Variants in ZNF407 observed in about 807,000 individuals in gnomAD.
ZNF407 encodes zinc finger protein 407.
In ZNF407, 17 loss-of-function variants were observed where a neutral mutation model predicts 131.2. The observed-to-expected ratio is 0.13, with a 90% CI of 0.09 to 0.19. The LOEUF is 0.19. Ranked by LOEUF, ZNF407 falls within the 10% of genes least tolerant of loss-of-function variation. ZNF407 has a pLI of 1.00. For synonymous variants in ZNF407, 1,156 were observed against 1,062.0 expected, an observed-to-expected ratio of 1.09 and a Z score of -1.72; for missense variants, 2,681 against 2,830.6, an observed-to-expected ratio of 0.95 and a Z score of 1.20.
chr18:74,601,331 G>C (rs1258647244), intron 1 of ZNF407, among the ~76,000 whole-genome samples: 1 of 23,826 alleles, frequency 4.2e-5, no homozygotes, highest in African/African-American at 9.5e-5. Context: ...GTGTATGTCT[G>C]TGTGTGTGTG....
intron 3 of ZNF407, among the ~76,000 whole-genome samples, chr18:74,710,597 C>T (rs1045192665): frequency 2.6e-5 from 4 of 152,174 alleles, no homozygotes; most frequent in Non-Finnish European, 5.9e-5. Context: ...CAGCTGTACA[C>T]ATCATGTCTG....
intron 3 of ZNF407, among the ~76,000 whole-genome samples, chr18:74,645,627 G>A (rs1252704947): frequency 7.5e-6 from 1 of 133,926 alleles, no homozygotes; most frequent in Non-Finnish European, 1.6e-5. Context: ...TACTAATGCA[G>A]TAAAACTCTT....
At chr18:74,999,227 T>C (rs1261699104) in intron 8 of ZNF407, among the ~76,000 whole-genome samples, 4 of 92,578 alleles carry the variant, frequency 4.3e-5, no homozygotes, top group African/African-American at 1.7e-4. Flanking sequence ...AGGGATAGCA[T>C]TGGGAGATAT....
At chr18:74,852,243 T>C (rs1018904839) in intron 4 of ZNF407, among the ~76,000 whole-genome samples, 24 of 152,158 alleles carry the variant, frequency 1.6e-4, no homozygotes, top group African/African-American at 5.6e-4. Context: ...GGCTTTATTT[T>C]TCTTCTAAAA....
intron 3 of ZNF407, among the ~76,000 whole-genome samples, chr18:74,647,860 T>A (rs1238879417): frequency 6.6e-6 from 1 of 152,128 alleles, no homozygotes. Context: ...CGAGCTCTGC[T>A]GAGGAGCAGA....
intron 8 of ZNF407, among the ~76,000 whole-genome samples, chr18:74,958,607 C>T (rs1037002324): frequency 8.5e-5 from 13 of 152,194 alleles, no homozygotes; most frequent in South Asian, 2.1e-4. Flanking sequence ...CATGCATACA[C>T]CTGAGACACA....
At chr18:74,859,251 A>G (rs1970903211) in intron 4 of ZNF407, among the ~76,000 whole-genome samples, 1 of 152,254 alleles carries the variant, frequency 6.6e-6, no homozygotes, top group Non-Finnish European at 1.5e-5. Flanking sequence ...TACCATTATA[A>G]GTAACATCAC....
chr18:75,003,948 C>A (rs1299516239), intron 8 of ZNF407, among the ~76,000 whole-genome samples: 1 of 152,186 alleles, frequency 6.6e-6, no homozygotes, highest in Non-Finnish European at 1.5e-5. Flanking sequence ...GCAAATGATA[C>A]CCTGGGGACC....
chr18:74,932,186 G>A (rs1431855845), intron 8 of ZNF407, among the ~76,000 whole-genome samples: 1 of 152,030 alleles, frequency 6.6e-6, no homozygotes, highest in Non-Finnish European at 1.5e-5. Context: ...ATTTAGTTCT[G>A]TGATCCACTT....
chr18:74,781,669 T>C (rs535105440), intron 4 of ZNF407, among the ~76,000 whole-genome samples, 167 bp downstream of exon 4: 2 of 152,116 alleles, frequency 1.3e-5, no homozygotes, highest in East Asian at 1.9e-4. Flanking sequence ...TTCACAAAAA[T>C]TTAACATATT....
chr18:74,825,557 A>C (rs1970399106), intron 4 of ZNF407, among the ~76,000 whole-genome samples: 1 of 152,184 alleles, frequency 6.6e-6, no homozygotes, highest in South Asian at 2.1e-4. Context: ...ATTGTTAAAC[A>C]ATAAAACTTA....
chr18:74,702,437 A>G (rs1967520504), intron 3 of ZNF407, among the ~76,000 whole-genome samples: 1 of 152,198 alleles, frequency 6.6e-6, no homozygotes, highest in Non-Finnish European at 1.5e-5. Flanking sequence ...CAGTGTTTAT[A>G]CTGAAAAACA....
intron 8 of ZNF407, among the ~76,000 whole-genome samples, chr18:74,937,718 C>G (rs140612525): frequency 1.3e-5 from 2 of 152,058 alleles, no homozygotes; most frequent in Non-Finnish European, 2.9e-5. Flanking sequence ...ATATGTCTAC[C>G]ATATTTTATA....
chr18:74,619,298 G>T (rs2144635705), intron 1 of ZNF407, among the ~76,000 whole-genome samples: 1 of 152,282 alleles, frequency 6.6e-6, no homozygotes, highest in South Asian at 2.1e-4. Flanking sequence ...GTTGCCCTGT[G>T]TCCTACAGCT....
At chr18:74,922,397 T>C (rs1482130185) in intron 8 of ZNF407, among the ~76,000 whole-genome samples, 4 of 152,074 alleles carry the variant, frequency 2.6e-5, no homozygotes, top group Non-Finnish European at 4.4e-5. Context: ...GTCTCTCTCT[T>C]CCATTACCAG....
rs563396531 is a variant in ZNF407, at chr18:74,671,257, T to C, written c.4802+30135T>C. Among the ~76,000 whole-genome samples, 5 of 152,240 alleles carry C rather than the reference T, an allele frequency of 3.3e-5. No individual in the cohort carries two copies. The South Asian group carries it at 1.0e-3, about 31-fold the overall frequency. ...TAATGGGATCTCTTTAAGGTTGGTCTGTGTGTCAGAATTTCTTTTCTTTTT... is the reference window on the plus strand; with the variant it reads ...TAATGGGATCTCTTTAAGGTTGGTCCGTGTGTCAGAATTTCTTTTCTTTTT... On this transcript the variant is annotated intron_variant, in intron 3 of 8. Transcript: ENST00000299687.
chr18:74,935,913 C>T (rs374573459), intron 8 of ZNF407, among the ~76,000 whole-genome samples: 8 of 152,294 alleles, frequency 5.3e-5, no homozygotes, highest in African/African-American at 1.9e-4. Context: ...AATGTATTAT[C>T]TCCATCCATA....
At chr18:74,599,337 A>C (rs1982471611) in intron 1 of ZNF407, among the ~76,000 whole-genome samples, 1 of 152,168 alleles carries the variant, frequency 6.6e-6, no homozygotes, top group South Asian at 2.1e-4. Context: ...TTTCGGAATA[A>C]ATTAAGATTT....
chr18:74,876,467 G>T (rs916550904), intron 4 of ZNF407, among the ~76,000 whole-genome samples: 2 of 152,128 alleles, frequency 1.3e-5, no homozygotes. Context: ...AGGTTCTGTT[G>T]GTGGTTCAGA....
Sources: gnomAD v4.1 joint callset for allele counts (sites outside exome capture counted in the v4.1 genomes callset) on GRCh38, gnomAD v4.1.1 for gene constraint, MANE v1.5 for transcripts, NCBI Gene and HGNC (gene_info 2026-07-23, HGNC 2026-07-21) for gene names.